CCL4: variants seen among roughly 807,000 people sequenced by gnomAD.
CCL4 encodes C-C motif chemokine ligand 4.
A neutral mutation model predicts 10.3 loss-of-function variants in CCL4; 8 were observed. The observed-to-expected ratio is 0.77, with a 90% confidence interval of 0.45 to 1.39. CCL4 has a LOEUF of 1.39. Among genes scored for constraint, CCL4 ranks in the 40% most tolerant of loss-of-function variants. The probability of loss-of-function intolerance (pLI) is 0.00; values close to 1 mark genes in which losing one functional copy is unlikely to be tolerated. For synonymous variants in CCL4, 35 were observed against 44.3 expected, an observed-to-expected ratio of 0.79 and a Z score of 0.83; for missense variants, 106 against 111.2, an observed-to-expected ratio of 0.95 and a Z score of 0.21.
At chr17:36,104,846 G>T in intron 2 of CCL4, 1 of 727,436 alleles carries the variant, frequency 1.4e-6, no homozygotes, top group Non-Finnish European at 2.4e-6. Context: ...AGAGAAGGGG[G>T]TTGCTGGGGA....
At position 36,105,510 on chromosome 17, in the gene CCL4, C is replaced by T. The variant is rs544761314; in HGVS notation, c.*198C>T. ...TTAGTTTAGCCAAAGGATAAGTGTC[C>T]CCTATGGGGATGGTCCACTGTCACT... On this transcript the variant is annotated 3_prime_UTR_variant, in exon 3 of 3. Transcript: ENST00000615863. The T allele has an allele frequency of 1.4e-5, 9 of 647,018 alleles. No homozygotes were observed. In the African/African-American group the frequency reaches 1.6e-4, roughly 12 times the overall value. The allele number at this position is 647,018 out of a possible 1,614,324, so 40.1% of individuals were successfully genotyped here. A position where few individuals can be genotyped will look rare whatever the true frequency, so the allele number is the denominator to read the frequency against.
chr17:36,104,733 T>C (rs558361100), intron 2 of CCL4, 91 bp downstream of exon 2: 98 of 1,502,776 alleles, frequency 6.5e-5, no homozygotes, highest in African/African-American at 4.1e-4. Context: ...TGATTGAGCA[T>C]TGGGGAGGCA....
chr17:36,104,891 G>A (rs1351657676), intron 2 of CCL4: 4 of 686,542 alleles, frequency 5.8e-6, no homozygotes, highest in Non-Finnish European at 1.1e-5. Context: ...GCAGGGGAAG[G>A]CAGACAGGTC....
At position 36,105,262 on chromosome 17, in the gene CCL4, C is replaced by G; in HGVS notation, c.229C>G (p.Pro77Ala). The G allele has an allele frequency of 6.2e-7, 1 of 1,614,048 alleles. No homozygotes were observed. The highest frequency in any genetic ancestry group is 1.1e-5 in the South Asian group (1 of 91,084). Residue 77 changes from proline to alanine, a missense_variant, in exon 3 of 3, where the codon CCC (proline) becomes GCC (alanine). Pro to Ala is a conservative substitution (Grantham distance 27). Transcript: ENST00000615863. ...AAGAAGCAAGCAAGTCTGTGCTGAT[C>G]CCAGTGAATCCTGGGTCCAGGAGTA... ...TKRSKQVCAD[P>A]SESWVQEYVY...
At chr17:36,104,412 T>A in intron 1 of CCL4, 116 bp from the exon 2 acceptor site, 1 of 1,160,788 alleles carries the variant, frequency 8.6e-7, no homozygotes, top group East Asian at 2.5e-5. Context: ...TAGGTGGGAA[T>A]GGATATTTGG....
chr17:36,105,155 T>C, intron 2 of CCL4, 70 bp from the exon 3 acceptor site: 1 of 1,485,028 alleles, frequency 6.7e-7, no homozygotes, highest in Non-Finnish European at 9.4e-7. Flanking sequence ...CAGAGGAAGA[T>C]GCAAAGGATA....
chr17:36,104,536 G>C lies in CCL4; in HGVS notation c.85G>C (p.Asp29His). ...CTGGCCTTTCCTTTCAGTGGGCTCA[G>C]ACCCTCCCACCGCCTGCTGCTTTTC... ...SPALSAPMGS[D>H]PPTACCFSYT... Residue 29 changes from aspartate to histidine, a missense_variant, in exon 2 of 3, where the codon GAC (aspartate) becomes CAC (histidine). By Grantham distance (81) the Asp-to-His change is moderately conservative. Transcript: ENST00000615863. 1 of 1,611,906 alleles carries C rather than the reference G, an allele frequency of 6.2e-7. No individual in the cohort carries two copies. Among genetic ancestry groups the C allele is most frequent in the Non-Finnish European group, 8.5e-7 (1 of 1,179,788 alleles).
In CCL4 at chr17:36,103,986, G is replaced by A. The variant is rs775923589; in HGVS notation, c.76+5G>A. On this transcript the variant is annotated splice_donor_5th_base_variant and intron_variant, in intron 1 of 2. Coordinates refer to ENST00000615863, the MANE Select transcript of CCL4 (RefSeq NM_002984.4). Reference sequence around the variant, plus strand: ...CTCCAGCGCTCTCAGCACCAAGTAAGTCTACTTTTGCAGCTGCTATTTCGA... The same window carrying A: ...CTCCAGCGCTCTCAGCACCAAGTAAATCTACTTTTGCAGCTGCTATTTCGA... 6.2e-7 allele frequency: 1 copy of A among 1,613,776 alleles called. No homozygotes were observed. Among genetic ancestry groups the A allele is most frequent in the Admixed American group, 1.7e-5 (1 of 59,984 alleles).
At position 36,104,574 on chromosome 17, in the gene CCL4, G is replaced by A. The variant is rs761832053; in HGVS notation, c.123G>A (p.Arg41=). Residue 41 remains arginine, a synonymous_variant, in exon 2 of 3, where the codon AGG becomes AGA. Coordinates refer to ENST00000615863, the MANE Select transcript of CCL4 (RefSeq NM_002984.4). ...CCTGCTGCTTTTCTTACACCGCGAG[G>A]AAGCTTCCTCGCAACTTTGTGGTAG... ...PTACCFSYTA[R]KLPRNFVVDY... 1 of 1,612,848 alleles carries A rather than the reference G, an allele frequency of 6.2e-7. No individual in the cohort carries two copies. Among genetic ancestry groups the A allele is most frequent in the African/African-American group, 1.3e-5 (1 of 74,832 alleles).
At chr17:36,105,027 G>C in intron 2 of CCL4, 198 bp from the exon 3 acceptor site, 1 of 738,414 alleles carries the variant, frequency 1.4e-6, no homozygotes, top group South Asian at 1.5e-5. Flanking sequence ...CCTAATCTGG[G>C]CAACTCCTGG....
intron 1 of CCL4, chr17:36,104,300 G>A (rs1197630139): frequency 2.4e-5 from 17 of 708,266 alleles, no homozygotes; most frequent in Non-Finnish European, 3.4e-5. Context: ...CATATGAAGG[G>A]AGTGCGATGT....
At position 36,105,441 on chromosome 17, in the gene CCL4, T is replaced by C. The variant is rs1322783989; in HGVS notation, c.*129T>C. ...TCCCTTCTCTTAATTTAATCTTTTT[T>C]ATGTGCCGTGTTATTGTATTAGGTG... is the stretch of plus-strand genomic sequence containing the variant. On this transcript the variant is annotated 3_prime_UTR_variant, in exon 3 of 3. Transcript: ENST00000615863. 2 of 937,398 alleles carry C rather than the reference T, an allele frequency of 2.1e-6. No individual in the cohort carries two copies. Among genetic ancestry groups the C allele is most frequent in the Non-Finnish European group, 3.4e-6 (2 of 586,058 alleles). The allele number at this position is 937,398 out of a possible 1,614,324, so 58.1% of individuals were successfully genotyped here.
At position 36,105,377 on chromosome 17, in the gene CCL4, C is replaced by T; in HGVS notation, c.*65C>T. On this transcript the variant is annotated 3_prime_UTR_variant, in exon 3 of 3. Coordinates refer to ENST00000615863, the MANE Select transcript of CCL4 (RefSeq NM_002984.4). ...AGCCCGGATGCTTCTCCATGAGACA[C>T]ATCTCCTCCATACTCAGGACTCCTC... 6.7e-7 allele frequency: 1 copy of T among 1,485,188 alleles called. No homozygotes were observed. Among genetic ancestry groups the T allele is most frequent in the Non-Finnish European group, 9.4e-7 (1 of 1,062,572 alleles). 92.0% of individuals were successfully genotyped at this position (1,485,188 alleles called of 1,614,324 possible).
intron 2 of CCL4, 55 bp from the exon 3 acceptor site, chr17:36,105,170 C>T (rs977127542): frequency 1.5e-5 from 24 of 1,548,892 alleles, no homozygotes; most frequent in Non-Finnish European, 1.9e-5. Flanking sequence ...AGGATAAAGC[C>T]AGATGACCTC....
intron 2 of CCL4, chr17:36,104,906 G>C (rs1342128767): frequency 1.4e-6 from 1 of 690,968 alleles, no homozygotes; most frequent in Admixed American, 2.0e-5. Context: ...CAGGTCCCAT[G>C]AGATATGGAC....
In CCL4 at chr17:36,105,374, A is replaced by C. The variant is rs1049813; in HGVS notation, c.*62A>C. The C allele has an allele frequency of 4.5e-5, 68 of 1,518,494 alleles. 1 individual carries two copies. The highest frequency in any genetic ancestry group is 3.1e-4 in the African/African-American group (23 of 73,220). The allele number at this position is 1,518,494 out of a possible 1,614,324, so 94.1% of individuals were successfully genotyped here. A position where few individuals can be genotyped will look rare whatever the true frequency, so the allele number is the denominator to read the frequency against. The stretch of plus-strand genomic sequence containing the variant: ...CTGAGCCCGGATGCTTCTCCATGAG[A>C]CACATCTCCTCCATACTCAGGACTC... On this transcript the variant is annotated 3_prime_UTR_variant, in exon 3 of 3. Transcript: ENST00000615863.
rs137950182 is a variant in CCL4, at chr17:36,104,641, G to A, written c.190G>A (p.Val64Ile). Residue 64 changes from valine to isoleucine, a missense_variant and splice_region_variant, in exon 2 of 3, where the codon GTA (valine) becomes ATA (isoleucine). Transcript: ENST00000615863. ...CAGCCTCTGCTCCCAGCCAGCTGTG[G>A]TGTGAGTATCAACCCCTGGGCTGCC... ...TSSLCSQPAV[V>I]FQTKRSKQVC... The A allele has an allele frequency of 6.2e-7, 1 of 1,613,652 alleles. No homozygotes were observed. The highest frequency in any genetic ancestry group is 1.7e-5 in the Admixed American group (1 of 59,994).
chr17:36,104,738 G>A, intron 2 of CCL4, 96 bp downstream of exon 2: 1 of 1,479,790 alleles, frequency 6.8e-7, no homozygotes, highest in Non-Finnish European at 9.4e-7. Context: ...GAGCATTGGG[G>A]AGGCAGCTCC....
In CCL4 at chr17:36,105,366, T is replaced by A. The variant is rs1441873620; in HGVS notation, c.*54T>A. ...AAGGTCACCTGAGCCCGGATGCTTC[T>A]CCATGAGACACATCTCCTCCATACT... On this transcript the variant is annotated 3_prime_UTR_variant, in exon 3 of 3. Coordinates refer to ENST00000615863, the MANE Select transcript of CCL4 (RefSeq NM_002984.4). 2.6e-6 allele frequency: 4 copies of A among 1,551,272 alleles called. No individual in the cohort carries two copies. The African/African-American group carries it at 5.4e-5, about 21-fold the overall frequency.
Sources: gnomAD v4.1 joint callset for allele counts on GRCh38, gnomAD v4.1.1 for gene constraint, MANE v1.5 for transcripts, NCBI Gene and HGNC (gene_info 2026-07-23, HGNC 2026-07-21) for gene names.